The following CNTNAP2 variants were observed in gnomAD, a reference collection of about 807,000 sequenced individuals.
CNTNAP2 encodes the protein contactin-associated protein-like 2.
CNTNAP2 carries 98 observed loss-of-function variants against 155.2 expected under a neutral mutation model. The observed-to-expected ratio is 0.63, with a 90% CI of 0.54 to 0.75. The LOEUF is 0.75. CNTNAP2 is among the 30% of genes least tolerant of loss of function. The pLI is 0.00. For missense variants in CNTNAP2, 1,727 were observed against 1,688.1 expected (o/e 1.02, Z -0.40); for synonymous variants, 651 against 631.2 (o/e 1.03, Z -0.47).
chr7:146,237,594 G>A lies in CNTNAP2; in HGVS notation c.97+120621G>A, dbSNP rs561817402. Reference sequence around the variant, plus strand: ...GCAAGTGCCTAGAATAGCATTTTCCGGTGCATGCACTGGGGACAATCAGGG... The same window carrying A: ...GCAAGTGCCTAGAATAGCATTTTCCAGTGCATGCACTGGGGACAATCAGGG... On this transcript the variant is annotated intron_variant, in intron 1 of 23. Transcript: ENST00000361727. Among the ~76,000 whole-genome samples the A allele has an allele frequency of 2.3e-4, 35 of 152,202 alleles. 1 individual carries two copies. The highest frequency in any genetic ancestry group is 3.4e-3 in the Middle Eastern group (1 of 294).
intron 15 of CNTNAP2, among the ~76,000 whole-genome samples, chr7:147,997,512 C>A (rs978692228): frequency 6.7e-6 from 1 of 150,240 alleles, no homozygotes; most frequent in Non-Finnish European, 1.5e-5. Context: ...GCCGAGATCA[C>A]GCCATTGCAC....
intron 6 of CNTNAP2, among the ~76,000 whole-genome samples, chr7:147,123,886 A>T: frequency 6.6e-6 from 1 of 152,080 alleles, no homozygotes; most frequent in Admixed American, 6.6e-5. Context: ...CACTAAAAAT[A>T]CAAAAATTAG....
chr7:147,638,009 G>A (rs1461580460), intron 12 of CNTNAP2, among the ~76,000 whole-genome samples: 5 of 151,894 alleles, frequency 3.3e-5, no homozygotes, highest in East Asian at 1.9e-4. Flanking sequence ...CTCTTTATTC[G>A]CCAATATTCA....
At chr7:147,702,555 G>A (rs1370985410) in intron 13 of CNTNAP2, among the ~76,000 whole-genome samples, 9 of 151,082 alleles carry the variant, frequency 6.0e-5, no homozygotes, top group Non-Finnish European at 1.0e-4. Flanking sequence ...TACAGAATGC[G>A]AGTTCTGTAA....
At chr7:147,181,216 G>T (rs902867860) in intron 8 of CNTNAP2, among the ~76,000 whole-genome samples, 14 of 152,136 alleles carry the variant, frequency 9.2e-5, no homozygotes, top group Admixed American at 7.9e-4. Context: ...AGGTGGCCCA[G>T]AGAGACCAGA....
intron 6 of CNTNAP2, among the ~76,000 whole-genome samples, chr7:147,127,919 T>C (rs997437875): frequency 2.0e-5 from 3 of 152,180 alleles, no homozygotes; most frequent in Non-Finnish European, 4.4e-5. Flanking sequence ...TCCTTGACCA[T>C]GCAAATACTA....
At chr7:147,177,261 A>G (rs1802368046) in intron 8 of CNTNAP2, among the ~76,000 whole-genome samples, 1 of 151,972 alleles carries the variant, frequency 6.6e-6, no homozygotes. Flanking sequence ...TAATCTCCAC[A>G]TGTTAAAGGT....
intron 1 of CNTNAP2, among the ~76,000 whole-genome samples, chr7:146,302,466 A>G (rs989775351): frequency 6.6e-6 from 1 of 152,166 alleles, no homozygotes; most frequent in African/African-American, 2.4e-5. Flanking sequence ...TATCTATTCT[A>G]TTTCAGAGAT....
intron 15 of CNTNAP2, among the ~76,000 whole-genome samples, chr7:148,087,155 G>A (rs1345350217): frequency 1.3e-5 from 2 of 152,028 alleles, no homozygotes; most frequent in Non-Finnish European, 1.5e-5. Context: ...TTTCTACAGC[G>A]TGGTCACTGG....
chr7:147,597,128 A>G (rs1800839903), intron 12 of CNTNAP2, among the ~76,000 whole-genome samples: 1 of 152,118 alleles, frequency 6.6e-6, no homozygotes, highest in African/African-American at 2.4e-5. Flanking sequence ...TGGAGTAGCC[A>G]TTTTTTTATG....
chr7:146,234,868 A>G (rs1799445894), intron 1 of CNTNAP2, among the ~76,000 whole-genome samples: 1 of 152,226 alleles, frequency 6.6e-6, no homozygotes, highest in Non-Finnish European at 1.5e-5. Context: ...ATTTTAGCAT[A>G]TGAGTTGGGA....
At chr7:146,674,086 T>G (rs1304721268) in intron 1 of CNTNAP2, among the ~76,000 whole-genome samples, 1 of 152,188 alleles carries the variant, frequency 6.6e-6, no homozygotes, top group Non-Finnish European at 1.5e-5. Context: ...AATAAACATT[T>G]GCGTAATGAA....
intron 19 of CNTNAP2, among the ~76,000 whole-genome samples, chr7:148,221,310 GATGGC>G (rs903938641): frequency 3.9e-5 from 6 of 152,136 alleles, no homozygotes; most frequent in Non-Finnish European, 8.8e-5. Context: ...CCTTTCTACT[GATGGC>G]AACACATGAG....
chr7:146,147,801 T>C (rs1341234399), intron 1 of CNTNAP2, among the ~76,000 whole-genome samples: 1 of 152,148 alleles, frequency 6.6e-6, no homozygotes, highest in African/African-American at 2.4e-5. Flanking sequence ...CATTAGGAAA[T>C]TTCATTTTCT....
intron 11 of CNTNAP2, among the ~76,000 whole-genome samples, chr7:147,513,932 C>A (rs1013255188): frequency 6.6e-6 from 1 of 152,140 alleles, no homozygotes; most frequent in Non-Finnish European, 1.5e-5. Context: ...AAATCACACA[C>A]CCCTCCTTCC....
chr7:146,722,318 G>A (rs986026921), intron 1 of CNTNAP2, among the ~76,000 whole-genome samples: 1 of 152,084 alleles, frequency 6.6e-6, no homozygotes, highest in South Asian at 2.1e-4. Flanking sequence ...GTCCTGTGAT[G>A]GGTAGGGCTT....
chr7:147,602,897 C>T (rs1164263722), intron 12 of CNTNAP2, among the ~76,000 whole-genome samples: 1 of 152,024 alleles, frequency 6.6e-6, no homozygotes, highest in Non-Finnish European at 1.5e-5. Flanking sequence ...CATTGTTGGA[C>T]ATTTGGGTTG....
In CNTNAP2 at chr7:147,671,166, G is replaced by A. The variant is rs987170091; in HGVS notation, c.2098+31860G>A. On this transcript the variant is annotated intron_variant, in intron 13 of 23. Coordinates refer to ENST00000361727, the MANE Select transcript of CNTNAP2 (RefSeq NM_014141.6). ...GCAGCCAGTTGGTTCCAGTGTTTGC[G>A]CACTCCAGTTCTCACCTCGTTCATT... is the stretch of plus-strand genomic sequence containing the variant. 3.9e-5 allele frequency among the ~76,000 whole-genome samples: 6 copies of A among 152,188 alleles called. No individual in the cohort carries two copies. In the South Asian group the frequency reaches 6.2e-4, roughly 16 times the overall value.
At chr7:147,404,732 T>C (rs1451486217) in intron 10 of CNTNAP2, among the ~76,000 whole-genome samples, 2 of 152,174 alleles carry the variant, frequency 1.3e-5, no homozygotes, top group Non-Finnish European at 2.9e-5. Flanking sequence ...TTCCTGTTTA[T>C]ACATAAACAT....
Sources: allele counts gnomAD v4.1 joint callset (sites outside exome capture counted in the v4.1 genomes callset), GRCh38; gene constraint gnomAD v4.1.1; transcripts MANE v1.5; gene names NCBI Gene and HGNC (gene_info 2026-07-23, HGNC 2026-07-21).